Variants in CSMD1 observed in about 807,000 individuals in gnomAD.
The protein encoded by CSMD1 is CUB and Sushi multiple domains 1.
CSMD1 carries 213 observed loss-of-function variants against 417.5 expected under a neutral mutation model. The ratio of observed to expected loss-of-function variants is 0.51; its 90% CI spans 0.46 to 0.57. The LOEUF (loss-of-function observed/expected upper bound fraction) is 0.57, where lower values mean the gene tolerates loss of function less well. CSMD1 is among the 20% of genes least tolerant of loss of function. CSMD1 has a pLI of 0.00. For missense variants in CSMD1, 6,923 were observed against 4,529.7 expected, an observed-to-expected ratio of 1.53 and a Z score of -15.17; for synonymous variants, 2,862 against 1,736.8, an observed-to-expected ratio of 1.65 and a Z score of -16.11.
chr8:4,420,153 A>G, intron 2 of CSMD1, 88 bp from the exon 3 acceptor site: 1 of 818,308 alleles, frequency 1.2e-6, no homozygotes, highest in Non-Finnish European at 2.0e-6. Flanking sequence ...AATAACTTGA[A>G]CAGTGGTATA....
At position 3,881,346 on chromosome 8, in the gene CSMD1, C is replaced by A. The variant is rs1585133308; in HGVS notation, c.818+116557G>T. On this transcript the variant is annotated intron_variant, in intron 5 of 69. Coordinates refer to ENST00000635120, the MANE Select transcript of CSMD1 (RefSeq NM_033225.6). ...ACTGAATATATAGATATATAAAAAGCAAGTTGGGGCCGGGTGCGGTGGCTT... is the reference window on the plus strand; with the variant it reads ...ACTGAATATATAGATATATAAAAAGAAAGTTGGGGCCGGGTGCGGTGGCTT... Among the ~76,000 whole-genome samples, 3 of 150,346 alleles carry A rather than the reference C, an allele frequency of 2.0e-5. No individual in the cohort carries two copies. The East Asian group carries it at 5.9e-4, about 29-fold the overall frequency.
Position 4,890,752 on chromosome 8 carries a change from G to C in CSMD1, c.85+103580C>G, listed in dbSNP as rs188308208. Among the ~76,000 whole-genome samples the C allele has an allele frequency of 1.2e-3, 189 of 152,190 alleles. 1 individual carries two copies. Among genetic ancestry groups the C allele is most frequent in the African/African-American group, 4.3e-3 (179 of 41,516 alleles). The stretch of plus-strand genomic sequence containing the variant: ...GTAATTGCGGTGTTTGCAATTGAAA[G>C]TCATGGAAGAAAGCGCAATCACTTT... On this transcript the variant is annotated intron_variant, in intron 1 of 69. Coordinates refer to ENST00000635120, the MANE Select transcript of CSMD1 (RefSeq NM_033225.6).
At chr8:4,361,894 G>C (rs946811147) in intron 3 of CSMD1, among the ~76,000 whole-genome samples, 2 of 152,084 alleles carry the variant, frequency 1.3e-5, no homozygotes, top group Non-Finnish European at 2.9e-5. Flanking sequence ...GGCGGAGCTT[G>C]CAGTGAGGCG....
intron 3 of CSMD1, among the ~76,000 whole-genome samples, chr8:4,118,978 A>G (rs542381880): frequency 2.0e-5 from 3 of 152,300 alleles, no homozygotes; most frequent in African/African-American, 4.8e-5. Flanking sequence ...ATTCTCAGCA[A>G]ACTAACACAA....
intron 51 of CSMD1, among the ~76,000 whole-genome samples, chr8:3,025,581 C>G (rs754634046): frequency 1.5e-4 from 23 of 152,224 alleles, no homozygotes; most frequent in Admixed American, 1.3e-3. Flanking sequence ...TAGCGGTCAA[C>G]AAGCATCTCC....
Position 3,189,906 on chromosome 8 carries a change from G to C in CSMD1, c.5398+6C>G, listed in dbSNP as rs778189937. On this transcript the variant is annotated splice_donor_region_variant and intron_variant, in intron 34 of 69. Transcript: ENST00000635120. ...TGGCGGGCAGCCGCTTAGGGACACT[G>C]CTCACCCACACAGCTGGGGATCGTG... The C allele has an allele frequency of 1.3e-6, 2 of 1,568,440 alleles. No individual in the cohort carries two copies. The highest frequency in any genetic ancestry group is 4.7e-5 in the East Asian group (2 of 42,434).
At chr8:3,708,773 G>A (rs1039288824) in intron 6 of CSMD1, among the ~76,000 whole-genome samples, 4 of 152,152 alleles carry the variant, frequency 2.6e-5, no homozygotes, top group African/African-American at 9.7e-5. Context: ...TTTACCACTA[G>A]GAGTGGCAGA....
intron 2 of CSMD1, among the ~76,000 whole-genome samples, chr8:4,585,063 A>G (rs955030064): frequency 6.6e-6 from 1 of 151,182 alleles, no homozygotes; most frequent in African/African-American, 2.5e-5. Context: ...ATTACCCAGC[A>G]TACCAGGAGA....
intron 26 of CSMD1, among the ~76,000 whole-genome samples, chr8:3,254,149 G>T (rs954273929): frequency 1.3e-5 from 2 of 152,124 alleles, no homozygotes; most frequent in African/African-American, 4.8e-5. Context: ...AGTTTGGCCG[G>T]ATATGAAATT....
At chr8:4,647,907 T>C (rs901074159) in intron 1 of CSMD1, among the ~76,000 whole-genome samples, 4 of 152,244 alleles carry the variant, frequency 2.6e-5, no homozygotes, top group Non-Finnish European at 1.5e-5. Context: ...AGTAGAACGA[T>C]TTATATTCCT....
chr8:2,974,512 G>C lies in CSMD1; in HGVS notation c.8679C>G (p.Gly2893=). Residue 2893 remains glycine (G), a synonymous_variant, in exon 56 of 70, where the codon GGC becomes GGG. Coordinates refer to ENST00000635120, the MANE Select transcript of CSMD1 (RefSeq NM_033225.6). ...YSCRGSESLI[G]NDTRVCQEDS... ...CTTCCTGGCACACTCTCGTGTCGTT[G>C]CCTATGAGGCTCTCGCTCCCTCTGC... 1 of 1,613,652 alleles carries C rather than the reference G, an allele frequency of 6.2e-7. No homozygotes were observed. The highest frequency in any genetic ancestry group is 8.5e-7 in the Non-Finnish European group (1 of 1,179,714).
intron 2 of CSMD1, among the ~76,000 whole-genome samples, chr8:4,539,405 T>C (rs1162930990): frequency 6.6e-6 from 1 of 152,246 alleles, no homozygotes; most frequent in Non-Finnish European, 1.5e-5. Flanking sequence ...AGAATCATCA[T>C]TTCATTTATG....
chr8:3,173,449 A>G lies in CSMD1; in HGVS notation c.5725+7661T>C, dbSNP rs577621052. On this transcript the variant is annotated intron_variant, in intron 37 of 69. Transcript: ENST00000635120. ...ATTGATATTAATGAAAGCAATTTTAATAGGACGCAGGAATGCATTGTTTGT... is the reference window on the plus strand; with the variant it reads ...ATTGATATTAATGAAAGCAATTTTAGTAGGACGCAGGAATGCATTGTTTGT... Among the ~76,000 whole-genome samples, 4 of 152,314 alleles carry G rather than the reference A, an allele frequency of 2.6e-5. No individual in the cohort carries two copies. In the East Asian group the frequency reaches 7.7e-4, roughly 29 times the overall value.
intron 5 of CSMD1, among the ~76,000 whole-genome samples, chr8:3,776,807 G>GATATATATATATATATATATATATAT (rs151060171): frequency 0.011 from 1,574 of 139,420 alleles, 69 homozygotes; most frequent in African/African-American, 0.031. Context: ...ATATAGACGA[G>GATATATATATATATATATATATATAT]ATATATATAT....
chr8:4,575,686 T>C (rs910369109), intron 2 of CSMD1, among the ~76,000 whole-genome samples: 14 of 152,286 alleles, frequency 9.2e-5, no homozygotes, highest in African/African-American at 3.4e-4. Context: ...CAGGCAACAT[T>C]TTGAAGATTT....
intron 1 of CSMD1, among the ~76,000 whole-genome samples, chr8:4,852,944 T>C (rs1323144640): frequency 6.6e-6 from 1 of 152,190 alleles, no homozygotes; most frequent in Non-Finnish European, 1.5e-5. Flanking sequence ...AGAAGGAATT[T>C]CTAAGCAGCA....
At chr8:4,297,294 C>G (rs1437755272) in intron 3 of CSMD1, among the ~76,000 whole-genome samples, 1 of 151,954 alleles carries the variant, frequency 6.6e-6, no homozygotes, top group Non-Finnish European at 1.5e-5. Context: ...AGCCTTGTAT[C>G]TTACATAAGA....
chr8:4,490,944 G>T (rs1011498933), intron 2 of CSMD1, among the ~76,000 whole-genome samples: 1 of 152,184 alleles, frequency 6.6e-6, no homozygotes. Context: ...GAGAGTTTTA[G>T]AAGAAACAAG....
At chr8:4,168,401 T>A in intron 3 of CSMD1, among the ~76,000 whole-genome samples, 1 of 151,910 alleles carries the variant, frequency 6.6e-6, no homozygotes, top group Non-Finnish European at 1.5e-5. Context: ...ACTCTCTCTC[T>A]CAATATATAT....
Sources: allele counts gnomAD v4.1 joint callset (sites outside exome capture counted in the v4.1 genomes callset), GRCh38; gene constraint gnomAD v4.1.1; transcripts MANE v1.5; gene names NCBI Gene and HGNC (gene_info 2026-07-23, HGNC 2026-07-21).